Variants in MAP4K3 observed in about 807,000 individuals in gnomAD.
The protein encoded by MAP4K3 is mitogen-activated protein kinase kinase kinase kinase 3.
MAP4K3 carries 94 observed loss-of-function variants against 143.5 expected under a neutral mutation model. That is an observed-to-expected ratio of 0.65 (90% CI 0.55 to 0.78). The LOEUF is 0.78. Among genes scored for constraint, MAP4K3 ranks in the 30% least tolerant of loss-of-function variants. The pLI, the probability that MAP4K3 is intolerant of heterozygous loss-of-function variation, is 0.00. For synonymous variants in MAP4K3, 416 were observed against 347.2 expected (o/e 1.20, Z -2.20); for missense variants, 1,077 against 1,068.1 (o/e 1.01, Z -0.12).
At position 39,250,426 on chromosome 2, in the gene MAP4K3, TG is replaced by T. The variant is rs1281266596; in HGVS notation, c.*191del. 10 of 515,074 alleles carry T rather than the reference TG, an allele frequency of 1.9e-5. No homozygotes were observed. In the South Asian group the frequency reaches 3.2e-4, roughly 17 times the overall value. 31.9% of individuals were successfully genotyped at this position (515,074 alleles called of 1,614,324 possible). A position where few individuals can be genotyped will look rare whatever the true frequency, so the allele number is the denominator to read the frequency against. On this transcript the variant is annotated 3_prime_UTR_variant, in exon 34 of 34. Coordinates refer to ENST00000263881, the MANE Select transcript of MAP4K3 (RefSeq NM_003618.4). ...ATTACATAACAATGAATTAAGCACT[TG>T]TGTGGTTCAATATGCTAAATATATC...
intron 8 of MAP4K3, among the ~76,000 whole-genome samples, chr2:39,326,799 C>T (rs1449999313): frequency 6.6e-6 from 1 of 152,088 alleles, no homozygotes; most frequent in African/African-American, 2.4e-5. Context: ...TGAGCAGGTT[C>T]TCACAAGGTC....
At chr2:39,381,516 G>T (rs529641241) in intron 1 of MAP4K3, among the ~76,000 whole-genome samples, 1 of 151,996 alleles carries the variant, frequency 6.6e-6, no homozygotes, top group Non-Finnish European at 1.5e-5. Context: ...TTTGTTTCTT[G>T]TGTTTTTAGT....
intron 15 of MAP4K3, among the ~76,000 whole-genome samples, chr2:39,305,531 G>C (rs1237774865): frequency 6.6e-6 from 1 of 152,182 alleles, no homozygotes. Context: ...AAAACCTCTA[G>C]ATAAATGTTA....
At chr2:39,327,235 A>C (rs2024514) in intron 8 of MAP4K3, among the ~76,000 whole-genome samples, 1 of 151,954 alleles carries the variant, frequency 6.6e-6, no homozygotes, top group African/African-American at 2.4e-5. Context: ...GGGCACCAAT[A>C]ATCTTCATAT....
chr2:39,271,201 C>A (rs533441467), intron 26 of MAP4K3, among the ~76,000 whole-genome samples: 13 of 152,000 alleles, frequency 8.6e-5, no homozygotes, highest in Non-Finnish European at 2.9e-5. Flanking sequence ...TAAAATCATA[C>A]CATATGGAAA....
intron 18 of MAP4K3, among the ~76,000 whole-genome samples, chr2:39,291,684 G>A (rs960717666): frequency 3.3e-5 from 5 of 151,936 alleles, no homozygotes; most frequent in African/African-American, 9.7e-5. Context: ...TCAGGAGTTC[G>A]AGCCCAGCCT....
At chr2:39,303,900 A>G (rs938157435) in intron 15 of MAP4K3, among the ~76,000 whole-genome samples, 1 of 152,076 alleles carries the variant, frequency 6.6e-6, no homozygotes, top group African/African-American at 2.4e-5. Flanking sequence ...ATGGGCTTAA[A>G]TAGCCAGTAA....
At chr2:39,260,557 T>C (rs755152839) in intron 29 of MAP4K3, 49 bp downstream of exon 29, 28 of 1,514,454 alleles carry the variant, frequency 1.8e-5, no homozygotes, top group Middle Eastern at 3.6e-4. Flanking sequence ...TTACTACTTA[T>C]AAAACCAGTA....
rs550629672 is a variant in MAP4K3 at position 39,261,273 on chromosome 2, CAA to C, written c.2137-498_2137-497del. Among the ~76,000 whole-genome samples, 565 of 152,262 alleles carry C rather than the reference CAA, an allele frequency of 3.7e-3. 7 individuals carry two copies. The highest frequency in any genetic ancestry group is 0.013 in the African/African-American group (537 of 41,548). ...ATCAAAAAAAATTAGCTTCATATCT[CAA>C]GTGATTTTTATCAAATCAACTCAGT... On this transcript the variant is annotated intron_variant, in intron 28 of 33. Coordinates refer to ENST00000263881, the MANE Select transcript of MAP4K3 (RefSeq NM_003618.4).
intron 3 of MAP4K3, among the ~76,000 whole-genome samples, chr2:39,354,271 GTC>G (rs2148549912): frequency 6.6e-6 from 1 of 152,026 alleles, no homozygotes; most frequent in Non-Finnish European, 1.5e-5. Flanking sequence ...GTGAAACCCC[GTC>G]TCTACTAAAA....
chr2:39,398,633 G>A (rs1279365785), intron 1 of MAP4K3, among the ~76,000 whole-genome samples: 1 of 150,618 alleles, frequency 6.6e-6, no homozygotes, highest in East Asian at 1.9e-4. Flanking sequence ...TAAGAAATTG[G>A]TGGCATGGTT....
At chr2:39,284,775 T>C (rs1452522610) in intron 21 of MAP4K3, among the ~76,000 whole-genome samples, 8 of 151,594 alleles carry the variant, frequency 5.3e-5, no homozygotes, top group Non-Finnish European at 1.2e-4. Context: ...ACCCAGAAGG[T>C]GGAGGTTGCA....
rs549738956 is a variant in MAP4K3 at position 39,262,222 on chromosome 2, T to C, written c.2137-1445A>G. On this transcript the variant is annotated intron_variant, in intron 28 of 33. Transcript: ENST00000263881. ...GTGCAACGGGGGATATCCTAACAGG[T>C]AGTTTTAAAGTGTTGGAAGACACAA... Among the ~76,000 whole-genome samples, 142 of 152,304 alleles carry C rather than the reference T, an allele frequency of 9.3e-4. 1 individual carries two copies. Among genetic ancestry groups the C allele is most frequent in the African/African-American group, 3.1e-3 (127 of 41,560 alleles).
intron 12 of MAP4K3, among the ~76,000 whole-genome samples, chr2:39,317,563 C>CA (rs1457708180): frequency 1.3e-5 from 2 of 150,928 alleles, no homozygotes; most frequent in Non-Finnish European, 3.0e-5. Flanking sequence ...AATTAACAAG[C>CA]AAAAAACAAC....
Position 39,258,601 on chromosome 2 carries a change from A to G in MAP4K3, c.2309-14T>C, listed in dbSNP as rs1558603699. Reference sequence around the variant, plus strand: ...TCTGTGGGGTATCTACAATACAAACAAATTTTGGTAAACCTACAGAAACTG... The same window carrying G: ...TCTGTGGGGTATCTACAATACAAACGAATTTTGGTAAACCTACAGAAACTG... On this transcript the variant is annotated splice_polypyrimidine_tract_variant and intron_variant, in intron 29 of 33. Coordinates refer to ENST00000263881, the MANE Select transcript of MAP4K3 (RefSeq NM_003618.4). 6.3e-7 allele frequency: 1 copy of G among 1,591,592 alleles called. No individual in the cohort carries two copies. Among genetic ancestry groups the G allele is most frequent in the East Asian group, 2.2e-5 (1 of 44,752 alleles).
chr2:39,292,476 G>C (rs1310525724), intron 18 of MAP4K3, among the ~76,000 whole-genome samples: 1 of 152,212 alleles, frequency 6.6e-6, no homozygotes, highest in Non-Finnish European at 1.5e-5. Context: ...GACATGGCCA[G>C]AAGACGGCTG....
chr2:39,285,582 T>C (rs751357026), intron 21 of MAP4K3, among the ~76,000 whole-genome samples: 6 of 152,172 alleles, frequency 3.9e-5, no homozygotes, highest in Non-Finnish European at 8.8e-5. Context: ...CCAAATACTT[T>C]ATGTGAATTT....
intron 19 of MAP4K3, among the ~76,000 whole-genome samples, chr2:39,289,268 C>T (rs1036736885): frequency 6.6e-6 from 1 of 152,030 alleles, no homozygotes; most frequent in Non-Finnish European, 1.5e-5. Context: ...ACTAAACAAG[C>T]AAGTACAGCA....
At chr2:39,392,171 G>A (rs773902397) in intron 1 of MAP4K3, among the ~76,000 whole-genome samples, 4 of 82,508 alleles carry the variant, frequency 4.8e-5, no homozygotes, top group Non-Finnish European at 6.4e-5. Context: ...GCAACAGAAC[G>A]ACACTCCTAC....
Sources: allele counts gnomAD v4.1 joint callset (sites outside exome capture counted in the v4.1 genomes callset), GRCh38; gene constraint gnomAD v4.1.1; transcripts MANE v1.5; gene names NCBI Gene and HGNC (gene_info 2026-07-23, HGNC 2026-07-21).